Variants in PTN observed in about 807,000 individuals in gnomAD.
PTN encodes heparin affin regulatory protein.
PTN carries 18 observed loss-of-function variants against 24.1 expected under a neutral mutation model. The observed-to-expected ratio is 0.75, with a 90% CI of 0.52 to 1.11. The LOEUF (loss-of-function observed/expected upper bound fraction) is 1.11. Ranked by LOEUF, PTN falls within the 50% of genes least tolerant of loss-of-function variation. The pLI, the probability that PTN is intolerant of heterozygous loss-of-function variation, is 0.00. For synonymous variants in PTN, 78 were observed against 68.6 expected (o/e 1.14, Z -0.67); for missense variants, 163 against 198.8 (o/e 0.82, Z 1.08).
At chr7:137,341,996 T>G (rs956551627) in intron 1 of PTN, among the ~76,000 whole-genome samples, 1 of 152,238 alleles carries the variant, frequency 6.6e-6, no homozygotes, top group Non-Finnish European at 1.5e-5. Flanking sequence ...TGGACTATAT[T>G]TTTTAAACGA....
intron 4 of PTN, among the ~76,000 whole-genome samples, chr7:137,234,597 T>C (rs1406891768): frequency 6.6e-6 from 1 of 152,056 alleles, no homozygotes; most frequent in Non-Finnish European, 1.5e-5. Flanking sequence ...CCACTTTCAA[T>C]ATTAAGAAAA....
intron 1 of PTN, among the ~76,000 whole-genome samples, chr7:137,264,972 ATT>A (rs34878730): frequency 0.035 from 4,364 of 124,830 alleles, 79 homozygotes; most frequent in East Asian, 0.093. Flanking sequence ...TCCAACTGCC[ATT>A]TTTTTTTTTT....
chr7:137,311,152 A>T lies in PTN; in HGVS notation c.-2+32287T>A, dbSNP rs567450730. ...GAGGCTGAGGCATGAGAACTGCTTGACCCCAGGAGGCAGAGGTTGCAGTGA... is the reference window on the plus strand; with the variant it reads ...GAGGCTGAGGCATGAGAACTGCTTGTCCCCAGGAGGCAGAGGTTGCAGTGA... On this transcript the variant is annotated intron_variant, in intron 1 of 4. Transcript: ENST00000348225. Among the ~76,000 whole-genome samples, 3 of 147,282 alleles carry T rather than the reference A, an allele frequency of 2.0e-5. No homozygotes were observed. The East Asian group carries it at 6.1e-4, about 30-fold the overall frequency.
At chr7:137,327,516 A>T (rs1440687534) in intron 1 of PTN, among the ~76,000 whole-genome samples, 2 of 151,894 alleles carry the variant, frequency 1.3e-5, no homozygotes, top group Admixed American at 1.3e-4. Flanking sequence ...ACACAATGCC[A>T]CCCTGCCTTT....
intron 1 of PTN, among the ~76,000 whole-genome samples, chr7:137,314,302 C>T (rs1810032776): frequency 6.6e-6 from 1 of 152,162 alleles, no homozygotes; most frequent in South Asian, 2.1e-4. Flanking sequence ...GATCATTGCT[C>T]TTTTCTGCAT....
At chr7:137,293,932 TTTTAA>T (rs1377238454) in intron 1 of PTN, among the ~76,000 whole-genome samples, 1 of 152,108 alleles carries the variant, frequency 6.6e-6, no homozygotes, top group Non-Finnish European at 1.5e-5. Flanking sequence ...TGACCTCCCT[TTTTAA>T]ATGGAATTAT....
chr7:137,230,197 A>T (rs1483082886), intron 4 of PTN, among the ~76,000 whole-genome samples: 1 of 151,858 alleles, frequency 6.6e-6, no homozygotes, highest in Admixed American at 6.6e-5. Context: ...ACACTATTTG[A>T]TCTGTTAATG....
intron 1 of PTN, among the ~76,000 whole-genome samples, chr7:137,287,070 T>A (rs1809567323): frequency 6.6e-6 from 1 of 152,184 alleles, no homozygotes; most frequent in Non-Finnish European, 1.5e-5. Context: ...GTAAAAACCC[T>A]CATTCGTGTT....
intron 1 of PTN, among the ~76,000 whole-genome samples, chr7:137,280,954 A>T (rs1298353436): frequency 6.6e-6 from 1 of 151,764 alleles, no homozygotes; most frequent in East Asian, 1.9e-4. Context: ...CTCCATAGGG[A>T]TTAGCAATTA....
At chr7:137,278,010 T>C (rs1403637352) in intron 1 of PTN, among the ~76,000 whole-genome samples, 5 of 152,064 alleles carry the variant, frequency 3.3e-5, no homozygotes, top group African/African-American at 7.2e-5. Flanking sequence ...ATTCATTTTT[T>C]AAAAAATGAC....
At chr7:137,272,532 A>G (rs1809291805) in intron 1 of PTN, among the ~76,000 whole-genome samples, 2 of 152,076 alleles carry the variant, frequency 1.3e-5, no homozygotes, top group African/African-American at 4.8e-5. Context: ...CTCATTCACA[A>G]CCCTGAATGT....
chr7:137,253,546 G>A lies in PTN; in HGVS notation c.207C>T (p.Gly69=), dbSNP rs765009349. ...GCTTGCACTCAGCTCCAGTCCGAGT[G>A]CCCTCCCGTGTGCCCAGCCCACAGT... ...SGDCGLGTRE[G]TRTGAECKQT... The change falls in exon 3 of 5, where the codon GGC becomes GGT. Residue 69 remains glycine, a synonymous_variant. Coordinates refer to ENST00000348225, the MANE Select transcript of PTN (RefSeq NM_002825.7). 1.9e-6 allele frequency: 3 copies of A among 1,612,272 alleles called. No individual in the cohort carries two copies. Among genetic ancestry groups the A allele is most frequent in the East Asian group, 4.5e-5 (2 of 44,868 alleles).
At position 137,310,595 on chromosome 7, in the gene PTN, G is replaced by A. The variant is rs111629295; in HGVS notation, c.-2+32844C>T. Among the ~76,000 whole-genome samples the A allele has an allele frequency of 3.5e-3, 538 of 151,770 alleles. 3 individuals are homozygous for A. The highest frequency in any genetic ancestry group is 0.01 in the African/African-American group (429 of 41,400). ...CTTTTTTTGTATTTTTAGTAGAGAC[G>A]GGGTTTCACCATGTTGGCCAGGTTG... On this transcript the variant is annotated intron_variant, in intron 1 of 4. Transcript: ENST00000348225.
At chr7:137,317,912 AG>A (rs947943962) in intron 1 of PTN, among the ~76,000 whole-genome samples, 54 of 152,276 alleles carry the variant, frequency 3.5e-4, no homozygotes, top group African/African-American at 1.3e-3. Context: ...GTGGGTGGCC[AG>A]GTAGGCAACA....
intron 1 of PTN, among the ~76,000 whole-genome samples, chr7:137,314,505 C>A (rs1810036589): frequency 1.3e-5 from 2 of 151,440 alleles, no homozygotes; most frequent in South Asian, 4.2e-4. Flanking sequence ...GCTTAGAAGT[C>A]AAGGGAAATT....
chr7:137,335,684 T>C (rs1213308808), intron 1 of PTN, among the ~76,000 whole-genome samples: 1 of 152,158 alleles, frequency 6.6e-6, no homozygotes, highest in Non-Finnish European at 1.5e-5. Flanking sequence ...ATTGGAGACC[T>C]ACTGAATTTT....
intron 1 of PTN, among the ~76,000 whole-genome samples, chr7:137,307,328 T>G (rs1314896755): frequency 6.6e-6 from 1 of 152,106 alleles, no homozygotes; most frequent in Non-Finnish European, 1.5e-5. Context: ...CTATTCATAT[T>G]GTACTAGTAA....
chr7:137,244,350 G>C (rs1808684816), intron 4 of PTN, among the ~76,000 whole-genome samples: 1 of 149,668 alleles, frequency 6.7e-6, no homozygotes, highest in South Asian at 2.1e-4. Flanking sequence ...ATATCAAAGT[G>C]GATAGCTAAA....
At chr7:137,232,027 G>A (rs1173615471) in intron 4 of PTN, among the ~76,000 whole-genome samples, 1 of 151,880 alleles carries the variant, frequency 6.6e-6, no homozygotes, top group Non-Finnish European at 1.5e-5. Flanking sequence ...TACTCTAGAA[G>A]GTTCTGAGAG....
Sources: allele counts gnomAD v4.1 joint callset (sites outside exome capture counted in the v4.1 genomes callset), GRCh38; gene constraint gnomAD v4.1.1; transcripts MANE v1.5; gene names NCBI Gene and HGNC (gene_info 2026-07-23, HGNC 2026-07-21).